SCMH1: variants seen among roughly 807,000 people sequenced by gnomAD.
SCMH1 encodes the protein polycomb protein SCMH1.
SCMH1 carries 37 observed loss-of-function variants against 70.8 expected under a neutral mutation model. That is an observed-to-expected ratio of 0.52 (90% CI 0.40 to 0.69). The LOEUF (loss-of-function observed/expected upper bound fraction) is 0.69. SCMH1 is among the 30% of genes least tolerant of loss of function. The probability of loss-of-function intolerance (pLI) is 0.00; values close to 1 mark genes in which losing one functional copy is unlikely to be tolerated. For synonymous variants in SCMH1, 292 were observed against 307.4 expected, an observed-to-expected ratio of 0.95 and a Z score of 0.52; for missense variants, 607 against 827.3, an observed-to-expected ratio of 0.73 and a Z score of 3.27.
intron 2 of SCMH1, among the ~76,000 whole-genome samples, chr1:41,174,036 A>C (rs1429211527): frequency 6.6e-6 from 1 of 152,214 alleles, no homozygotes; most frequent in Non-Finnish European, 1.5e-5. Context: ...GAGTGACTAT[A>C]ATTAATGAGA....
At chr1:41,226,489 CT>C (rs893906913) in intron 1 of SCMH1, among the ~76,000 whole-genome samples, 23 of 152,074 alleles carry the variant, frequency 1.5e-4, no homozygotes, top group African/African-American at 5.5e-4. Context: ...TGAATAAAGA[CT>C]TTTAAGTTCA....
chr1:41,098,071 TTC>T (rs1665581614), intron 8 of SCMH1, among the ~76,000 whole-genome samples: 2 of 152,222 alleles, frequency 1.3e-5, no homozygotes, highest in African/African-American at 4.8e-5. Flanking sequence ...TCCCAATAAG[TTC>T]TATCCAGTCT....
At chr1:41,064,001 G>A (rs1334369969) in intron 10 of SCMH1, among the ~76,000 whole-genome samples, 1 of 152,090 alleles carries the variant, frequency 6.6e-6, no homozygotes, top group Non-Finnish European at 1.5e-5. Flanking sequence ...CCTCAACAAA[G>A]TATTATCAAA....
At chr1:41,176,448 G>A (rs888139549) in intron 2 of SCMH1, among the ~76,000 whole-genome samples, 2 of 152,198 alleles carry the variant, frequency 1.3e-5, no homozygotes, top group Non-Finnish European at 2.9e-5. Flanking sequence ...GAAGCAGGGC[G>A]AGGCATCGCC....
intron 5 of SCMH1, among the ~76,000 whole-genome samples, chr1:41,144,437 T>C (rs1177180938): frequency 1.3e-5 from 2 of 152,212 alleles, no homozygotes; most frequent in African/African-American, 4.8e-5. Context: ...GTATCAGTAC[T>C]TCATTCCTTT....
At chr1:41,205,237 G>A (rs897147858) in intron 1 of SCMH1, among the ~76,000 whole-genome samples, 1 of 152,162 alleles carries the variant, frequency 6.6e-6, no homozygotes, top group African/African-American at 2.4e-5. Flanking sequence ...AGCATGACGG[G>A]GCATCACCTC....
intron 4 of SCMH1, among the ~76,000 whole-genome samples, chr1:41,158,876 T>C (rs999708424): frequency 6.6e-6 from 1 of 152,092 alleles, no homozygotes; most frequent in Non-Finnish European, 1.5e-5. Flanking sequence ...GGCCAGTAAG[T>C]GAAAAATAGG....
intron 13 of SCMH1, among the ~76,000 whole-genome samples, chr1:41,031,127 A>C (rs1402596716): frequency 6.6e-6 from 1 of 152,182 alleles, no homozygotes; most frequent in Non-Finnish European, 1.5e-5. Flanking sequence ...TCTCTACAAA[A>C]CAAGTAAAAA....
At chr1:41,195,708 T>G (rs1319844498) in intron 1 of SCMH1, among the ~76,000 whole-genome samples, 1 of 152,184 alleles carries the variant, frequency 6.6e-6, no homozygotes, top group Non-Finnish European at 1.5e-5. Context: ...CTGGAAGTTC[T>G]AGCTAAAGTA....
intron 6 of SCMH1, among the ~76,000 whole-genome samples, chr1:41,138,732 C>T (rs1287144953): frequency 6.6e-6 from 1 of 152,054 alleles, no homozygotes; most frequent in Non-Finnish European, 1.5e-5. Flanking sequence ...TCATATCTGC[C>T]AAGACTTGTT....
At chr1:41,070,819 T>C in intron 9 of SCMH1, 98 bp from the exon 10 acceptor site, 1 of 1,398,660 alleles carries the variant, frequency 7.1e-7, no homozygotes, top group Non-Finnish European at 9.8e-7. Flanking sequence ...AATATATTTA[T>C]GGATGGAATA....
At chr1:41,220,179 G>A (rs946382352) in intron 1 of SCMH1, among the ~76,000 whole-genome samples, 1 of 152,162 alleles carries the variant, frequency 6.6e-6, no homozygotes, top group Non-Finnish European at 1.5e-5. Context: ...ATTTGCTCAC[G>A]CAAGGCAAGG....
chr1:41,109,193 G>C (rs763247971), intron 8 of SCMH1, among the ~76,000 whole-genome samples: 1 of 152,124 alleles, frequency 6.6e-6, no homozygotes, highest in Non-Finnish European at 1.5e-5. Context: ...CTGAGCTTCA[G>C]TTTTCTCATA....
intron 6 of SCMH1, among the ~76,000 whole-genome samples, chr1:41,128,252 C>T (rs960979073): frequency 6.6e-6 from 1 of 152,176 alleles, no homozygotes; most frequent in Non-Finnish European, 1.5e-5. Context: ...TATTTACCTA[C>T]AAATTTTCCT....
chr1:41,028,607 G>C (rs1558249793), exon 14 of SCMH1: 1 of 1,614,184 alleles, frequency 6.2e-7, no homozygotes. Context: ...AGGTCAGCGT[G>C]GGGTCCAAGC....
intron 8 of SCMH1, among the ~76,000 whole-genome samples, chr1:41,083,435 T>G (rs1159059868): frequency 6.6e-6 from 1 of 152,156 alleles, no homozygotes; most frequent in African/African-American, 2.4e-5. Context: ...GAAGGACCTC[T>G]TCAAGGAGAA....
rs1336869468 is a variant in SCMH1, at chr1:41,083,388, GAATAA to G, written c.746-7942_746-7938del. 2.0e-5 allele frequency among the ~76,000 whole-genome samples: 3 copies of G among 152,202 alleles called. No homozygotes were observed. In the East Asian group the frequency reaches 5.8e-4, roughly 29 times the overall value. On this transcript the variant is annotated intron_variant, in intron 8 of 14. Transcript: ENST00000337495. ...CTCCCATTCACAATTGCTTCAAAGAGAATAAAATACCTAGGAATCCAACTTACAAG... is the reference window on the plus strand; with the variant it reads ...CTCCCATTCACAATTGCTTCAAAGAGAATACCTAGGAATCCAACTTACAAG...
chr1:41,090,048 T>C (rs1250156258), intron 8 of SCMH1, among the ~76,000 whole-genome samples: 1 of 152,040 alleles, frequency 6.6e-6, no homozygotes, highest in Non-Finnish European at 1.5e-5. Context: ...TGCCTCACTC[T>C]CCCAAAGTGC....
chr1:41,082,065 C>A lies in SCMH1; in HGVS notation c.746-6614G>T, dbSNP rs1660198202. On this transcript the variant is annotated intron_variant, in intron 8 of 14. Transcript: ENST00000337495. ...CCAGATACAAAAATTAATGTGAAGG[C>A]TAAAACATCAAATTTCTAGAAGACA... Among the ~76,000 whole-genome samples, 6 of 151,936 alleles carry A rather than the reference C, an allele frequency of 3.9e-5. No homozygotes were observed. The South Asian group carries it at 1.2e-3, about 32-fold the overall frequency.
Sources: allele counts gnomAD v4.1 joint callset (sites outside exome capture counted in the v4.1 genomes callset), GRCh38; gene constraint gnomAD v4.1.1; transcripts MANE v1.5; gene names NCBI Gene and HGNC (gene_info 2026-07-23, HGNC 2026-07-21).